The following AHNAK2 variants were observed in gnomAD, a reference collection of about 807,000 sequenced individuals.
AHNAK2 encodes the protein protein AHNAK2.
In AHNAK2, 18 loss-of-function variants were observed where a neutral mutation model predicts 30.7. The observed-to-expected ratio is 0.59, with a 90% CI of 0.41 to 0.87. AHNAK2 has a LOEUF of 0.87. AHNAK2 is among the 40% of genes least tolerant of loss of function. AHNAK2 has a pLI of 0.00. For missense variants in AHNAK2, 8,604 were observed against 7,373.0 expected, an observed-to-expected ratio of 1.17 and a Z score of -6.11; for synonymous variants, 3,590 against 3,073.8, an observed-to-expected ratio of 1.17 and a Z score of -5.56.
Position 104,943,900 on chromosome 14 carries a change from G to C in AHNAK2, c.11551C>G (p.Leu3851Val). The change falls in exon 7 of 7, where the codon CTC becomes GTC. Residue 3851 changes from leucine (L) to valine (V), a missense_variant. Transcript: ENST00000333244. ...TCGGCAGAATGGGGCTGAATGCTGA[G>C]GTCAGTGGTCTTGAGGTCCCCCTGC... is the stretch of plus-strand genomic sequence containing the variant. ...SMQGDLKTTD[L>V]SIQPHSADLT... 7 of 1,613,228 alleles carry C rather than the reference G, an allele frequency of 4.3e-6. No homozygotes were observed. The highest frequency in any genetic ancestry group is 5.9e-6 in the Non-Finnish European group (7 of 1,179,620).
rs1037738188 is a variant in AHNAK2, at chr14:104,940,443, A to G, written c.15008T>C (p.Met5003Thr). ...TCCATCCCTCTCAGGAGGCAGATCC[A>G]TGTGGATGGCAGACTGCGGGGCCAC... is the stretch of plus-strand genomic sequence containing the variant. ...DEVAPQSAIH[M>T]DLPPERDGEK... Residue 5003 changes from methionine (M) to threonine (T), a missense_variant, in exon 7 of 7, where the codon ATG (methionine) becomes ACG (threonine). Coordinates refer to ENST00000333244, the MANE Select transcript of AHNAK2 (RefSeq NM_138420.4). This position sits in a 1 kb window ranked among gnomAD's most constrained non-coding sequence, Gnocchi z 4.4. 71 of 1,613,744 alleles carry G rather than the reference A, an allele frequency of 4.4e-5. No individual in the cohort carries two copies. The highest frequency in any genetic ancestry group is 5.8e-5 in the Non-Finnish European group (69 of 1,179,904).
chr14:104,942,667 G>A lies in AHNAK2; in HGVS notation c.12784C>T (p.Pro4262Ser), dbSNP rs533453567. 1.6e-4 allele frequency: 256 copies of A among 1,612,392 alleles called. No individual in the cohort carries two copies. The highest frequency in any genetic ancestry group is 2.2e-4 in the Admixed American group (13 of 59,912). ...VMTPVVEVSLPSMEVDVEAPG... is the reference protein window; with the variant it reads ...VMTPVVEVSLSSMEVDVEAPG... ...GCCTCGACGTCCACCTCCATGCTGGGCAGAGACACCTCCACGACGGGGGTC... is the reference window on the plus strand; with the variant it reads ...GCCTCGACGTCCACCTCCATGCTGGACAGAGACACCTCCACGACGGGGGTC... Residue 4262 changes from proline (P) to serine (S), a missense_variant, in exon 7 of 7, where the codon CCC (proline) becomes TCC (serine). Transcript: ENST00000333244.
Position 104,953,479 on chromosome 14 carries a change from T to C in AHNAK2, c.1972A>G (p.Lys658Glu). 6.2e-7 allele frequency: 1 copy of C among 1,614,050 alleles called. No homozygotes were observed. The highest frequency in any genetic ancestry group is 2.2e-5 in the East Asian group (1 of 44,896). Residue 658 changes from lysine to glutamate, a missense_variant, in exon 7 of 7, where the codon AAA becomes GAA. Physicochemically the swap from Lys to Glu is moderately conservative, Grantham distance 56 (BLOSUM62 1). Transcript: ENST00000333244. ...IQLIHDEKRL[K>E]KEQILTEKEV... The stretch of plus-strand genomic sequence containing the variant: ...TTTTCTGTCAGAATTTGTTCCTTTT[T>C]TAAGCGTTTTTCATCGTGTATTAGT...
chr14:104,942,382 C>T lies in AHNAK2; in HGVS notation c.13069G>A (p.Val4357Ile), dbSNP rs764305655. 2.5e-6 allele frequency: 4 copies of T among 1,613,048 alleles called. No homozygotes were observed. The East Asian group carries it at 6.7e-5, about 27-fold the overall frequency. Residue 4357 changes from valine to isoleucine, a missense_variant, in exon 7 of 7, where the codon GTC becomes ATC. Transcript: ENST00000333244. ...SIQPPSADLE[V>I]QAGQEDVKLP... ...TTCACATCCTCTTGGCCAGCCTGGA[C>T]CTCCAGATCAGCGGAAGGGGGCTGA...
Position 104,939,165 on chromosome 14 carries a change from G to C in AHNAK2, c.16286C>G (p.Pro5429Arg). 1 of 1,612,696 alleles carries C rather than the reference G, an allele frequency of 6.2e-7. No homozygotes were observed. ...CAGGATGCTGGCTCCCCAGAGCCCCGGACTTTCCTTACAAAGGGCTGTATC... is the reference window on the plus strand; with the variant it reads ...CAGGATGCTGGCTCCCCAGAGCCCCCGACTTTCCTTACAAAGGGCTGTATC... The part of the protein sequence containing the change: ...NIDTALCKES[P>R]GLWGASILKA... The change falls in exon 7 of 7, where the codon CCG becomes CGG. Residue 5429 changes from proline to arginine, a missense_variant. Pro to Arg is a moderately radical substitution (Grantham distance 103). Transcript: ENST00000333244.
Position 104,947,131 on chromosome 14 carries a change from T to G in AHNAK2, c.8320A>C (p.Met2774Leu), listed in dbSNP as rs779654181. The G allele has an allele frequency of 1.1e-5, 18 of 1,610,400 alleles. No homozygotes were observed. The highest frequency in any genetic ancestry group is 1.7e-6 in the Non-Finnish European group (2 of 1,179,010). Reference protein sequence around the residue: ...KAEVTAPDVKMSLSSMEVDVQ... With the variant: ...KAEVTAPDVKLSLSSMEVDVQ... ...TCCACCTCCATGCTGGACAGAGACA[T>G]CTTCACATCGGGGGCTGTCACTTCC... The change falls in exon 7 of 7, where the codon ATG (methionine) becomes CTG (leucine). Residue 2774 changes from methionine (M) to leucine (L), a missense_variant. By Grantham distance (15) the Met-to-Leu change is conservative (BLOSUM62 2). Coordinates refer to ENST00000333244, the MANE Select transcript of AHNAK2 (RefSeq NM_138420.4).
At chr14:104,958,317 A>G (rs561869953) in intron 1 of AHNAK2, among the ~76,000 whole-genome samples, 4 of 152,114 alleles carry the variant, frequency 2.6e-5, no homozygotes, top group Non-Finnish European at 5.9e-5. Context: ...GCATGGTGGC[A>G]CATGCCTGTA....
Position 104,942,600 on chromosome 14 carries a change from A to G in AHNAK2, c.12851T>C (p.Leu4284Pro). Residue 4284 changes from leucine (L) to proline (P), a missense_variant, in exon 7 of 7, where the codon CTG becomes CCG. Physicochemically the swap from Leu to Pro is moderately conservative, Grantham distance 98. Transcript: ENST00000333244. ...KLDSVRLEGD[L>P]SLADKDMTAK... ...AGTCATGTCCTTGTCGGCTAGGGAC[A>G]GGTCACCCTCCAGCCGCACACTGTC... is the stretch of plus-strand genomic sequence containing the variant. 6.2e-7 allele frequency: 1 copy of G among 1,613,110 alleles called. No homozygotes were observed. Among genetic ancestry groups the G allele is most frequent in the Non-Finnish European group, 8.5e-7 (1 of 1,179,572 alleles).
In AHNAK2 at chr14:104,938,743, T is replaced by C; in HGVS notation, c.16708A>G (p.Thr5570Ala). Residue 5570 changes from threonine (T) to alanine (A), a missense_variant, in exon 7 of 7, where the codon ACT (threonine) becomes GCT (alanine). Coordinates refer to ENST00000333244, the MANE Select transcript of AHNAK2 (RefSeq NM_138420.4). ...DSISGDLQPD[T>A]GEPFEMISSS... The stretch of plus-strand genomic sequence containing the variant: ...GAGATCATCTCAAATGGTTCTCCAG[T>C]GTCAGGCTGGAGATCTCCAGAAATG... 6.2e-7 allele frequency: 1 copy of C among 1,613,852 alleles called. No homozygotes were observed. Among genetic ancestry groups the C allele is most frequent in the East Asian group, 2.2e-5 (1 of 44,886 alleles).
intron 1 of AHNAK2, among the ~76,000 whole-genome samples, chr14:104,962,731 TC>T (rs1369164256): frequency 3.9e-5 from 6 of 152,134 alleles, no homozygotes; most frequent in African/African-American, 1.4e-4. Flanking sequence ...CCGGCCAAAT[TC>T]TTGTCAAAGC....
In AHNAK2 at chr14:104,940,394, A is replaced by G. The variant is rs757539926; in HGVS notation, c.15057T>C (p.Pro5019=). Residue 5019 remains proline, a synonymous_variant, in exon 7 of 7, where the codon CCT becomes CCC. Transcript: ENST00000333244. The surrounding 1 kb of genome is among the most constrained non-coding windows in gnomAD (Gnocchi z 4.4). The stretch of plus-strand genomic sequence containing the variant: ...GTGCAAGTTTTGGCATGGCAAAGCC[A>G]GGCTTTGTGCTCCTCCCCTTCTCTC... ...RDGEKGRSTK[P]GFAMPKLALP... 1 of 1,613,914 alleles carries G rather than the reference A, an allele frequency of 6.2e-7. No homozygotes were observed. Among genetic ancestry groups the G allele is most frequent in the Non-Finnish European group, 8.5e-7 (1 of 1,179,864 alleles).
Position 104,943,243 on chromosome 14 carries a change from G to T in AHNAK2, c.12208C>A (p.Gln4070Lys). 1 of 1,611,482 alleles carries T rather than the reference G, an allele frequency of 6.2e-7. No homozygotes were observed. Among genetic ancestry groups the T allele is most frequent in the Non-Finnish European group, 8.5e-7 (1 of 1,179,024 alleles). The change falls in exon 7 of 7, where the codon CAG becomes AAG. Residue 4070 changes from glutamine to lysine, a missense_variant. Transcript: ENST00000333244. ...AGCTTGGGGCCCTTAACATCTATCT[G>T]GGGGCCCTTGAGGTCCACTTTGGGC... The part of the protein sequence containing the change: ...KMPKVDLKGP[Q>K]IDVKGPKLDL...
Position 104,944,536 on chromosome 14 carries a change from T to A in AHNAK2, c.10915A>T (p.Lys3639Ter). The A allele has an allele frequency of 6.2e-7, 1 of 1,613,020 alleles. No individual in the cohort carries two copies. The highest frequency in any genetic ancestry group is 8.5e-7 in the Non-Finnish European group (1 of 1,179,578). The change falls in exon 7 of 7, where the codon AAA becomes TAA. Residue 3639 changes from lysine to a stop codon, truncating the protein, a stop_gained. Coordinates refer to ENST00000333244, the MANE Select transcript of AHNAK2 (RefSeq NM_138420.4). LOFTEE classifies it low-confidence loss of function (END_TRUNC). ...KDVTAKDSKF[K>*]MPKFKMPSFR... is the part of the protein sequence containing the mutation. Reference sequence around the variant, plus strand: ...GACGGCATCTTGAATTTGGGCATTTTGAACTTGCTGTCTTTGGCAGTCACG... The same window carrying A: ...GACGGCATCTTGAATTTGGGCATTTAGAACTTGCTGTCTTTGGCAGTCACG...
At position 104,946,241 on chromosome 14, in the gene AHNAK2, C is replaced by G; in HGVS notation, c.9210G>C (p.Lys3070Asn). ...GTCCCTTGCGATCTACTTTGGGCAT[C>G]TTGAAACTGGGCATCTGCAACTTGG... ...HLPKLQMPSF[K>N]MPKVDRKGPQ... The change falls in exon 7 of 7, where the codon AAG becomes AAC. Residue 3070 changes from lysine (K) to asparagine (N), a missense_variant. Transcript: ENST00000333244. The G allele has an allele frequency of 6.2e-7, 1 of 1,608,120 alleles. No individual in the cohort carries two copies. The highest frequency in any genetic ancestry group is 1.4e-5 in the African/African-American group (1 of 73,658).
At chr14:104,961,631 A>AT (rs1899152339) in intron 1 of AHNAK2, among the ~76,000 whole-genome samples, 1 of 152,202 alleles carries the variant, frequency 6.6e-6, no homozygotes, top group Admixed American at 6.5e-5. Context: ...TAATGCAACC[A>AT]TTAAAAAAAT....
intron 5 of AHNAK2, 104 bp from the exon 6 acceptor site, chr14:104,955,245 A>C: frequency 2.2e-6 from 3 of 1,385,264 alleles, no homozygotes; most frequent in Non-Finnish European, 2.9e-6. Flanking sequence ...GAATAGGGGG[A>C]ATCCCACTGA....
Position 104,941,280 on chromosome 14 carries a change from C to A in AHNAK2, c.14171G>T (p.Gly4724Val). Residue 4724 changes from glycine (G) to valine (V), a missense_variant, in exon 7 of 7, where the codon GGT becomes GTT. Transcript: ENST00000333244. ...GGAAAGACCTATGCTAGACTTTGCACCTGGGACTAAACTATCTTTAGGAGT... is the reference window on the plus strand; with the variant it reads ...GGAAAGACCTATGCTAGACTTTGCAACTGGGACTAAACTATCTTTAGGAGT... ...TKTPKDSLVP[G>V]AKSSIGLSTI... is the part of the protein sequence containing the mutation. The A allele has an allele frequency of 6.2e-7, 1 of 1,613,526 alleles. No homozygotes were observed. Among genetic ancestry groups the A allele is most frequent in the Non-Finnish European group, 8.5e-7 (1 of 1,179,822 alleles).
At position 104,941,094 on chromosome 14, in the gene AHNAK2, G is replaced by C. The variant is rs917289124; in HGVS notation, c.14357C>G (p.Pro4786Arg). 3.1e-6 allele frequency: 5 copies of C among 1,613,586 alleles called. No homozygotes were observed. The Admixed American group carries it at 8.3e-5, about 27-fold the overall frequency. Residue 4786 changes from proline to arginine, a missense_variant, in exon 7 of 7, where the codon CCC becomes CGC. Physicochemically the swap from Pro to Arg is moderately radical, Grantham distance 103 (BLOSUM62 -2). Transcript: ENST00000333244. ...GPHFESSILS[P>R]CEDVTLTKYQ... ...TTTTGTAAGTGTAACATCCTCACAGGGAGAGAGAATAGAAGATTCAAAGTG... is the reference window on the plus strand; with the variant it reads ...TTTTGTAAGTGTAACATCCTCACAGCGAGAGAGAATAGAAGATTCAAAGTG...
In AHNAK2 at chr14:104,978,295, C is replaced by G; in HGVS notation, c.-58G>C. ...CGTCGCGTCCAGTCGCTGGTCCCGG[C>G]TCCGGCGCACGGGGCGGGCGGGCGG... On this transcript the variant is annotated 5_prime_UTR_variant, in exon 1 of 7. Coordinates refer to ENST00000333244, the MANE Select transcript of AHNAK2 (RefSeq NM_138420.4). 1 of 973,328 alleles carries G rather than the reference C, an allele frequency of 1.0e-6. No homozygotes were observed. Among genetic ancestry groups the G allele is most frequent in the Non-Finnish European group, 1.3e-6 (1 of 786,302 alleles). The allele number at this position is 973,328 out of a possible 1,614,324, so 60.3% of individuals were successfully genotyped here.
Sources: allele counts gnomAD v4.1 joint callset (sites outside exome capture counted in the v4.1 genomes callset), GRCh38; gene constraint gnomAD v4.1.1; non-coding constraint Gnocchi (gnomAD v3.1); transcripts MANE v1.5; gene names NCBI Gene and HGNC (gene_info 2026-07-23, HGNC 2026-07-21).